Variants in HJURP observed in about 807,000 individuals in gnomAD.
HJURP encodes 14-3-3-associated AKT substrate.
A neutral mutation model predicts 72.0 loss-of-function variants in HJURP; 49 were observed. The observed-to-expected ratio is 0.68, with a 90% CI of 0.54 to 0.86. The LOEUF (loss-of-function observed/expected upper bound fraction) is 0.86. HJURP is among the 40% of genes least tolerant of loss of function. The probability of loss-of-function intolerance (pLI) is 0.00; values close to 1 mark genes in which losing one functional copy is unlikely to be tolerated. For missense variants in HJURP, 908 were observed against 936.3 expected (o/e 0.97, Z 0.39); for synonymous variants, 357 against 347.1 (o/e 1.03, Z -0.32).
chr2:233,840,544 A>G (rs1186558969), intron 8 of HJURP, 65 bp downstream of exon 8: 5 of 1,471,670 alleles, frequency 3.4e-6, no homozygotes, highest in Non-Finnish European at 9.1e-7. Flanking sequence ...TCCTACCATA[A>G]AAAGCCTCTG....
chr2:233,837,832 AC>A (rs1224081539), intron 8 of HJURP, among the ~76,000 whole-genome samples, 180 bp from the exon 9 acceptor site: 2 of 152,032 alleles, frequency 1.3e-5, no homozygotes, highest in Admixed American at 6.6e-5. Context: ...TATAATGGCA[AC>A]CCCCCGACCC....
At position 233,841,179 on chromosome 2, in the gene HJURP, G is replaced by C; in HGVS notation, c.1601C>G (p.Thr534Ser). Reference sequence around the variant, plus strand: ...AAGGTCAGATGTCTGCTGCGGGCGAGTTGCGCTGTGTGTGGGGTTGGTCTT... The same window carrying C: ...AAGGTCAGATGTCTGCTGCGGGCGACTTGCGCTGTGTGTGGGGTTGGTCTT... The part of the protein sequence containing the change: ...LPKTNPTHSA[T>S]RPQQTSDLHV... Residue 534 changes from threonine to serine, a missense_variant, in exon 8 of 9, where the codon ACT becomes AGT. By Grantham distance (58) the Thr-to-Ser change is moderately conservative. Around this residue, in one of 3 missense-constraint regions of HJURP, gnomAD observed 598 missense variants for 619.5 expected, o/e 0.97. Transcript: ENST00000411486. The C allele has an allele frequency of 2.5e-6, 4 of 1,614,204 alleles. No homozygotes were observed. The highest frequency in any genetic ancestry group is 3.4e-6 in the Non-Finnish European group (4 of 1,180,038).
In HJURP at chr2:233,841,159, C is replaced by A; in HGVS notation, c.1621G>T (p.Asp541Tyr). Residue 541 changes from aspartate to tyrosine, a missense_variant, in exon 8 of 9, where the codon GAC (aspartate) becomes TAC (tyrosine). By Grantham distance (160) the Asp-to-Tyr change is radical (BLOSUM62 -3). Around this residue, in one of 3 missense-constraint regions of HJURP, gnomAD observed 598 missense variants for 619.5 expected, o/e 0.97. Transcript: ENST00000411486. ...GAACTATTTCCCTGAACGTGAAGGT[C>A]AGATGTCTGCTGCGGGCGAGTTGCG... ...HSATRPQQTS[D>Y]LHVQGNSSGI... 6.2e-7 allele frequency: 1 copy of A among 1,614,140 alleles called. No homozygotes were observed. Among genetic ancestry groups the A allele is most frequent in the South Asian group, 1.1e-5 (1 of 91,066 alleles).
intron 8 of HJURP, among the ~76,000 whole-genome samples, chr2:233,839,774 C>T (rs1344551708): frequency 1.3e-5 from 2 of 152,138 alleles, no homozygotes; most frequent in African/African-American, 4.8e-5. Context: ...CATCGCCAGG[C>T]TAGGGCACAA....
At chr2:233,849,987 C>G in intron 3 of HJURP, 128 bp from the exon 4 acceptor site, 2 of 638,744 alleles carry the variant, frequency 3.1e-6, no homozygotes, top group South Asian at 3.6e-5. Context: ...CACAAGGCTT[C>G]TCTTCTCCCT....
At chr2:233,853,740 A>T in intron 2 of HJURP, 104 bp downstream of exon 2, 2 of 900,940 alleles carry the variant, frequency 2.2e-6, no homozygotes, top group Non-Finnish European at 3.5e-6. Context: ...GGTTCCTATT[A>T]GTTAGGTGAA....
chr2:233,844,211 C>T lies in HJURP; in HGVS notation c.568G>A (p.Ala190Thr), dbSNP rs200242747. The change falls in exon 7 of 9, where the codon GCC becomes ACC. Residue 190 changes from alanine (A) to threonine (T), a missense_variant. By Grantham distance (58) the Ala-to-Thr change is moderately conservative (BLOSUM62 0). This residue lies in a region of HJURP where 299 missense variants were observed against 286.7 expected (regional missense o/e 1.04). Coordinates refer to ENST00000411486, the MANE Select transcript of HJURP (RefSeq NM_018410.5). ...LPSLASPAVP[A>T]PGYCSRISRK... ...GTTTCTATGTCACACTCACCGGGGG[C>T]AGGCACGGCAGGTGAGGCCAGTGAA... is the stretch of plus-strand genomic sequence containing the variant. The T allele has an allele frequency of 7.4e-5, 120 of 1,613,804 alleles. No homozygotes were observed. The East Asian group carries it at 2.4e-3, about 33-fold the overall frequency.
At position 233,852,608 on chromosome 2, in the gene HJURP, C is replaced by T. The variant is rs753415672; in HGVS notation, c.197G>A (p.Trp66Ter). 4 of 1,604,032 alleles carry T rather than the reference C, an allele frequency of 2.5e-6. No homozygotes were observed. In the African/African-American group the frequency reaches 4.0e-5, roughly 16 times the overall value. The part of the protein sequence containing the change: ...TYETPQGLRI[W>*]GGRLIKERNE... Reference sequence around the variant, plus strand: ...TCTTTCCTTTATTAGTCTTCCACCCCAAATTCTCAATCCTGAAGAAAAGAA... The same window carrying T: ...TCTTTCCTTTATTAGTCTTCCACCCTAAATTCTCAATCCTGAAGAAAAGAA... The change falls in exon 3 of 9, where the codon TGG becomes TAG. Residue 66 changes from tryptophan to a stop codon, truncating the protein, a stop_gained. Coordinates refer to ENST00000411486, the MANE Select transcript of HJURP (RefSeq NM_018410.5). LOFTEE classifies it high-confidence loss of function.
At position 233,844,257 on chromosome 2, in the gene HJURP, A is replaced by C; in HGVS notation, c.522T>G (p.Asp174Glu). The change falls in exon 7 of 9, where the codon GAT becomes GAG. Residue 174 changes from aspartate to glutamate, a missense_variant. Coordinates refer to ENST00000411486, the MANE Select transcript of HJURP (RefSeq NM_018410.5). ...GTGAAGGCAGCGGAGTCACACGTAC[A>C]TCCCTTCCAGCTCTGTTACCTGCAC... ...FECAGNRAGR[D>E]VRVTPLPSLA... 1.2e-6 allele frequency: 2 copies of C among 1,614,184 alleles called. No individual in the cohort carries two copies. The highest frequency in any genetic ancestry group is 1.7e-6 in the Non-Finnish European group (2 of 1,180,018).
chr2:233,841,950 G>T lies in HJURP; in HGVS notation c.830C>A (p.Thr277Lys), dbSNP rs373543392. The T allele has an allele frequency of 3.7e-6, 6 of 1,614,208 alleles. No homozygotes were observed. The East Asian group carries it at 1.1e-4, about 30-fold the overall frequency. Residue 277 changes from threonine (T) to lysine (K), a missense_variant, in exon 8 of 9, where the codon ACA (threonine) becomes AAA (lysine). Thr to Lys is a moderately conservative substitution (Grantham distance 78). Transcript: ENST00000411486. ...GGTGGAGATGATGCTTGATGGCTTT[G>T]TGCTCAACAGCCGGCTCATGGAGTG... ...MLHSMSRLLS[T>K]KPSSIISTKT... is the part of the protein sequence containing the mutation.
chr2:233,849,700 T>G, intron 4 of HJURP, 63 bp downstream of exon 4: 1 of 1,039,956 alleles, frequency 9.6e-7, no homozygotes, highest in East Asian at 2.6e-5. Context: ...TTTAAGCTGT[T>G]GTAACAGGTG....
chr2:233,847,274 C>A (rs992637476), intron 5 of HJURP, 123 bp downstream of exon 5: 1 of 736,626 alleles, frequency 1.4e-6, no homozygotes, highest in Non-Finnish European at 2.4e-6. Flanking sequence ...AAAAGCCAGC[C>A]TCAGGAGAGG....
intron 8 of HJURP, among the ~76,000 whole-genome samples, chr2:233,838,972 G>A (rs1471263270): frequency 1.3e-5 from 2 of 152,184 alleles, no homozygotes; most frequent in African/African-American, 4.8e-5. Flanking sequence ...ACTGCCAGGG[G>A]AGGAGCTCCG....
intron 7 of HJURP, among the ~76,000 whole-genome samples, chr2:233,843,992 C>T (rs7583713): frequency 0.68 from 103,911 of 152,128 alleles, 36,485 homozygotes; most frequent in East Asian, 0.87. Flanking sequence ...AGCTAGTAAA[C>T]TGGAATAAAG....
At chr2:233,839,852 G>A (rs376203149) in intron 8 of HJURP, among the ~76,000 whole-genome samples, 6 of 152,076 alleles carry the variant, frequency 3.9e-5, no homozygotes, top group African/African-American at 9.7e-5. Flanking sequence ...CAAAGGAACC[G>A]GCCAAATCAA....
At chr2:233,838,762 CA>C (rs1162465284) in intron 8 of HJURP, among the ~76,000 whole-genome samples, 1 of 152,174 alleles carries the variant, frequency 6.6e-6, no homozygotes, top group Non-Finnish European at 1.5e-5. Flanking sequence ...AAACAGAACG[CA>C]TAAACTTTGC....
rs1245654847 is a variant in HJURP at position 233,847,407 on chromosome 2, C to A, written c.392G>T (p.Trp131Leu). The A allele has an allele frequency of 6.2e-7, 1 of 1,613,822 alleles. No homozygotes were observed. ...AAAGGCAGCACTTACTGCTAAGGCCCAAGCAACTGACTCTTCCTGGTCTGA... is the reference window on the plus strand; with the variant it reads ...AAAGGCAGCACTTACTGCTAAGGCCAAAGCAACTGACTCTTCCTGGTCTGA... ...ATSDQEESVA[W>L]ALAPAVPQSP... The change falls in exon 5 of 9, where the codon TGG becomes TTG. Residue 131 changes from tryptophan to leucine, a missense_variant. Physicochemically the swap from Trp to Leu is moderately conservative, Grantham distance 61 (BLOSUM62 -2). Around this residue, in one of 3 missense-constraint regions of HJURP, gnomAD observed 299 missense variants for 286.7 expected, o/e 1.04. Transcript: ENST00000411486.
intron 6 of HJURP, among the ~76,000 whole-genome samples, chr2:233,845,122 C>G (rs889099624): frequency 8.6e-5 from 13 of 152,014 alleles, no homozygotes; most frequent in Non-Finnish European, 7.4e-5. Context: ...GAGGTCAGGG[C>G]TGCTCTTAAG....
chr2:233,843,796 C>T (rs1416319469), intron 7 of HJURP, among the ~76,000 whole-genome samples: 1 of 152,056 alleles, frequency 6.6e-6, no homozygotes, highest in African/African-American at 2.4e-5. Flanking sequence ...GAGAATTAGC[C>T]GATTTTTGGA....
Sources: allele counts gnomAD v4.1 joint callset (sites outside exome capture counted in the v4.1 genomes callset), GRCh38; gene constraint gnomAD v4.1.1; regional missense constraint gnomAD v4.1.1; transcripts MANE v1.5; gene names NCBI Gene and HGNC (gene_info 2026-07-23, HGNC 2026-07-21).